BMPR1B: variants seen among roughly 807,000 people sequenced by gnomAD.
BMPR1B encodes the protein bone morphogenetic protein receptor type 1B, also known as bone morphogenetic protein receptor type-1B.
BMPR1B carries 12 observed loss-of-function variants against 59.1 expected under a neutral mutation model. The ratio of observed to expected loss-of-function variants is 0.20; its 90% CI spans 0.13 to 0.33. The LOEUF is 0.33. Among genes scored for constraint, BMPR1B ranks in the 10% least tolerant of loss-of-function variants. The pLI is 1.00. For synonymous variants in BMPR1B, 237 were observed against 207.3 expected, an observed-to-expected ratio of 1.14 and a Z score of -1.23; for missense variants, 550 against 610.9, an observed-to-expected ratio of 0.90 and a Z score of 1.05.
chr4:94,998,398 A>C (rs1170894403), intron 3 of BMPR1B, among the ~76,000 whole-genome samples: 1 of 147,620 alleles, frequency 6.8e-6, no homozygotes, highest in Admixed American at 6.7e-5. Context: ...TTTGAGATGG[A>C]ATTTCAATCT....
intron 3 of BMPR1B, among the ~76,000 whole-genome samples, chr4:95,083,913 G>A (rs1186626098): frequency 6.6e-6 from 1 of 152,036 alleles, no homozygotes; most frequent in Non-Finnish European, 1.5e-5. Flanking sequence ...TAAGCTCAAA[G>A]GAAATGCAGG....
At chr4:94,973,639 G>C (rs1730898683) in intron 2 of BMPR1B, among the ~76,000 whole-genome samples, 1 of 152,176 alleles carries the variant, frequency 6.6e-6, no homozygotes, top group Admixed American at 6.5e-5. Flanking sequence ...GGCAACATTT[G>C]AGCGGGTAAA....
chr4:94,843,729 A>G (rs1448488125), intron 1 of BMPR1B, among the ~76,000 whole-genome samples: 2 of 148,806 alleles, frequency 1.3e-5, no homozygotes, highest in Non-Finnish European at 3.0e-5. Flanking sequence ...GTGGTAAATG[A>G]ATTTTACTTT....
At chr4:94,876,105 T>C (rs1396540483) in intron 2 of BMPR1B, among the ~76,000 whole-genome samples, 1 of 152,206 alleles carries the variant, frequency 6.6e-6, no homozygotes, top group Admixed American at 6.5e-5. Flanking sequence ...ACAAGGTGGA[T>C]GTGGATTTGT....
At chr4:94,910,477 A>C (rs1222548397) in intron 2 of BMPR1B, among the ~76,000 whole-genome samples, 3 of 152,160 alleles carry the variant, frequency 2.0e-5, no homozygotes, top group African/African-American at 7.2e-5. Context: ...AATGGCAAAA[A>C]GCAAGATTCA....
intron 2 of BMPR1B, among the ~76,000 whole-genome samples, chr4:94,909,588 G>A (rs1728197586): frequency 6.6e-6 from 1 of 152,080 alleles, no homozygotes; most frequent in Non-Finnish European, 1.5e-5. Context: ...GATAATTGCT[G>A]TCATAGTCGG....
At chr4:95,091,722 A>G (rs543521917) in intron 3 of BMPR1B, 120 of 926,278 alleles carry the variant, frequency 1.3e-4, no homozygotes, top group Non-Finnish European at 1.5e-4. Context: ...TTCTGGCACA[A>G]TAAAAGCTGT....
intron 3 of BMPR1B, among the ~76,000 whole-genome samples, chr4:94,997,592 C>A (rs1384515782): frequency 2.6e-5 from 4 of 152,144 alleles, no homozygotes; most frequent in Non-Finnish European, 4.4e-5. Flanking sequence ...TTTTAACATT[C>A]ATTTAATGCT....
chr4:95,017,278 T>C (rs905716955), intron 3 of BMPR1B, among the ~76,000 whole-genome samples: 1 of 152,232 alleles, frequency 6.6e-6, no homozygotes, highest in Admixed American at 6.5e-5. Context: ...TTCCAGTGTA[T>C]AATTCCTGTA....
intron 3 of BMPR1B, among the ~76,000 whole-genome samples, chr4:94,998,397 G>T (rs1245685218): frequency 6.8e-6 from 1 of 146,124 alleles, no homozygotes; most frequent in Non-Finnish European, 1.5e-5. Context: ...TTTTGAGATG[G>T]AATTTCAATC....
At chr4:94,790,877 A>G (rs1722958970) in intron 1 of BMPR1B, among the ~76,000 whole-genome samples, 2 of 152,080 alleles carry the variant, frequency 1.3e-5, no homozygotes, top group South Asian at 4.2e-4. Flanking sequence ...TATAGTTCTA[A>G]GTAGTGTTTC....
In BMPR1B at chr4:95,113,451, T is replaced by C. The variant is rs1043643193; in HGVS notation, c.144-1269T>C. ...GGGCTAACATATAGCAGCATGCTGC[T>C]ACCACTAAGACAGAATAGACAAACC... is the stretch of plus-strand genomic sequence containing the variant. On this transcript the variant is annotated intron_variant, in intron 4 of 12. Coordinates refer to ENST00000515059, the MANE Select transcript of BMPR1B (RefSeq NM_001203.3). Among the ~76,000 whole-genome samples, 5 of 152,306 alleles carry C rather than the reference T, an allele frequency of 3.3e-5. No individual in the cohort carries two copies. In the South Asian group the frequency reaches 6.2e-4, roughly 19 times the overall value.
chr4:94,830,950 G>T (rs980309176), intron 1 of BMPR1B, among the ~76,000 whole-genome samples: 1 of 152,158 alleles, frequency 6.6e-6, no homozygotes, highest in African/African-American at 2.4e-5. Context: ...ACAGGTTTAT[G>T]TATTGATTCC....
At chr4:94,893,724 A>G (rs746121923) in intron 2 of BMPR1B, among the ~76,000 whole-genome samples, 3 of 151,980 alleles carry the variant, frequency 2.0e-5, no homozygotes, top group African/African-American at 7.2e-5. Flanking sequence ...TTCCTATAAA[A>G]TGGTGTTCTG....
At chr4:95,109,107 T>G (rs1731418735) in intron 4 of BMPR1B, among the ~76,000 whole-genome samples, 1 of 152,158 alleles carries the variant, frequency 6.6e-6, no homozygotes, top group Admixed American at 6.6e-5. Context: ...CTTACCACCT[T>G]TCTCAAGTCC....
chr4:94,783,503 G>A (rs142889340), intron 1 of BMPR1B, among the ~76,000 whole-genome samples: 4 of 152,264 alleles, frequency 2.6e-5, no homozygotes, highest in South Asian at 2.1e-4. Context: ...GAATTTTGAA[G>A]CTCTCTGTTC....
intron 3 of BMPR1B, among the ~76,000 whole-genome samples, chr4:95,004,578 G>C (rs1342337929): frequency 6.6e-6 from 1 of 152,092 alleles, no homozygotes; most frequent in African/African-American, 2.4e-5. Flanking sequence ...ACATAATTCA[G>C]TTATGGTTTT....
intron 2 of BMPR1B, among the ~76,000 whole-genome samples, chr4:94,966,335 T>G (rs962722986): frequency 6.6e-6 from 1 of 152,162 alleles, no homozygotes; most frequent in Non-Finnish European, 1.5e-5. Context: ...GTAAAATGTT[T>G]TAATTGCTTT....
chr4:94,782,932 CCTCCA>C (rs1478711238), intron 1 of BMPR1B, among the ~76,000 whole-genome samples: 1 of 152,038 alleles, frequency 6.6e-6, no homozygotes, highest in East Asian at 1.9e-4. Context: ...AATCTGCTTC[CCTCCA>C]CTCCTAATGC....
Sources: gnomAD v4.1 joint callset for allele counts (sites outside exome capture counted in the v4.1 genomes callset) on GRCh38, gnomAD v4.1.1 for gene constraint, MANE v1.5 for transcripts, NCBI Gene and HGNC (gene_info 2026-07-23, HGNC 2026-07-21) for gene names.